Variants in ERBIN observed in about 807,000 individuals in gnomAD.
ERBIN encodes densin-180-like protein.
Under a neutral mutation model 158.4 loss-of-function variants are expected in ERBIN, and 60 were observed. The observed-to-expected ratio is 0.38, with a 90% confidence interval of 0.31 to 0.47. The LOEUF (loss-of-function observed/expected upper bound fraction) is 0.47. ERBIN is among the 20% of genes least tolerant of loss of function. ERBIN has a pLI of 0.99. For missense variants in ERBIN, 1,610 were observed against 1,648.0 expected, an observed-to-expected ratio of 0.98 and a Z score of 0.40; for synonymous variants, 594 against 557.2, an observed-to-expected ratio of 1.07 and a Z score of -0.93.
chr5:65,998,518 A>G (rs1045839552), intron 4 of ERBIN, among the ~76,000 whole-genome samples: 2 of 151,946 alleles, frequency 1.3e-5, no homozygotes, highest in African/African-American at 4.8e-5. Flanking sequence ...CTTTAGAGCT[A>G]TTTATATTTT....
intron 21 of ERBIN, chr5:66,068,844 A>C (rs578008663): frequency 6.7e-7 from 1 of 1,499,396 alleles, no homozygotes; most frequent in South Asian, 1.3e-5. Flanking sequence ...ATGCTACACT[A>C]ATCTCTGTTA....
intron 1 of ERBIN, among the ~76,000 whole-genome samples, chr5:65,940,405 G>A (rs1395884355): frequency 6.9e-6 from 1 of 145,240 alleles, no homozygotes; most frequent in Non-Finnish European, 1.5e-5. Context: ...CACCTCGTCC[G>A]GGAGGGAGGT....
Position 66,054,934 on chromosome 5 carries a change from G to C in ERBIN, c.3616G>C (p.Ala1206Pro). The C allele has an allele frequency of 1.3e-6, 2 of 1,573,312 alleles. No homozygotes were observed. The highest frequency in any genetic ancestry group is 1.7e-6 in the Non-Finnish European group (2 of 1,160,258). Residue 1206 changes from alanine to proline, a missense_variant, in exon 21 of 26, where the codon GCC (alanine) becomes CCC (proline). By Grantham distance (27) the Ala-to-Pro change is conservative. Around this residue, in one of 2 missense-constraint regions of ERBIN, gnomAD observed 1,014 missense variants for 936.1 expected, o/e 1.08. Transcript: ENST00000284037. ...AGAACAAGTACTTCGACATATTGAA[G>C]CCAAAAAGTTAGAAAAGGTAATTGA... ...WREQVLRHIEAKKLEKKHPQT... is the reference protein window; with the variant it reads ...WREQVLRHIEPKKLEKKHPQT...
intron 1 of ERBIN, among the ~76,000 whole-genome samples, chr5:65,971,215 A>G (rs988406983): frequency 6.7e-6 from 1 of 149,996 alleles, no homozygotes; most frequent in Non-Finnish European, 1.5e-5. Flanking sequence ...GACTGTGACA[A>G]TTGCAGATTT....
chr5:66,057,010 T>C (rs529316354), intron 21 of ERBIN, among the ~76,000 whole-genome samples: 9 of 152,338 alleles, frequency 5.9e-5, no homozygotes, highest in South Asian at 2.1e-4. Context: ...AGTATTCACA[T>C]GTGAGACTGC....
intron 10 of ERBIN, 101 bp downstream of exon 10, chr5:66,024,551 A>AC (rs1756036275): frequency 8.8e-7 from 1 of 1,136,248 alleles, no homozygotes; most frequent in Admixed American, 2.8e-5. Flanking sequence ...ATACTTCGTT[A>AC]CCACAGGAAC....
chr5:66,004,392 G>GCA (rs1366959469), intron 4 of ERBIN, among the ~76,000 whole-genome samples: 4 of 151,898 alleles, frequency 2.6e-5, no homozygotes, highest in African/African-American at 9.7e-5. Context: ...GTGTGTGTGC[G>GCA]CGCGCGTGCG....
intron 21 of ERBIN, among the ~76,000 whole-genome samples, chr5:66,062,064 G>A (rs1760446483): frequency 1.3e-5 from 2 of 152,150 alleles, no homozygotes; most frequent in South Asian, 4.1e-4. Context: ...GGCGTTCTCT[G>A]TATTTCCTGA....
At chr5:65,941,179 T>C (rs563801905) in intron 1 of ERBIN, among the ~76,000 whole-genome samples, 26 of 152,186 alleles carry the variant, frequency 1.7e-4, no homozygotes, top group African/African-American at 5.5e-4. Context: ...ACAAACACTG[T>C]GGAAGGCCGC....
chr5:66,073,870 C>G (rs1761740257), intron 22 of ERBIN, among the ~76,000 whole-genome samples: 2 of 151,758 alleles, frequency 1.3e-5, no homozygotes, highest in South Asian at 4.1e-4. Flanking sequence ...TGTAATATGA[C>G]TGTAACCTCT....
chr5:66,068,921 C>G, intron 21 of ERBIN: 1 of 1,535,766 alleles, frequency 6.5e-7, no homozygotes, highest in African/African-American at 1.4e-5. Flanking sequence ...CTACTGTAAG[C>G]AGTTTTCACT....
intron 20 of ERBIN, among the ~76,000 whole-genome samples, chr5:66,053,150 TTGAG>T (rs1759208569): frequency 6.6e-6 from 1 of 152,172 alleles, no homozygotes; most frequent in Admixed American, 6.5e-5. Context: ...ACAAATCAGA[TTGAG>T]TGTATTGATG....
chr5:66,045,747 T>TA (rs1255363141), intron 17 of ERBIN, among the ~76,000 whole-genome samples: 4 of 152,154 alleles, frequency 2.6e-5, no homozygotes, highest in African/African-American at 7.2e-5. Context: ...GCATAGCCTT[T>TA]AAAAAAATCA....
At chr5:66,001,685 GT>G (rs1360612499) in intron 4 of ERBIN, among the ~76,000 whole-genome samples, 1 of 152,052 alleles carries the variant, frequency 6.6e-6, no homozygotes, top group African/African-American at 2.4e-5. Context: ...AAGAAATTCA[GT>G]TTTTTCTTTT....
intron 4 of ERBIN, among the ~76,000 whole-genome samples, chr5:65,997,224 ATGATG>A (rs1349041160): frequency 6.6e-6 from 1 of 152,200 alleles, no homozygotes; most frequent in Non-Finnish European, 1.5e-5. Context: ...ATTGTTAAGT[ATGATG>A]TGAGCTGTGG....
chr5:66,050,645 G>T, intron 19 of ERBIN, 138 bp from the exon 20 acceptor site: 1 of 479,200 alleles, frequency 2.1e-6, no homozygotes, highest in South Asian at 4.6e-5. Context: ...AATTTTCAGG[G>T]GTGCTTCCAA....
intron 21 of ERBIN, 23 bp downstream of exon 21, chr5:66,054,974 T>G (rs779368391): frequency 6.6e-7 from 1 of 1,520,126 alleles, no homozygotes. Context: ...GAGTTTTTCA[T>G]TATTTTCTTT....
rs118126408 is a variant in ERBIN, at chr5:65,956,217, T to G, written c.-58+29411T>G. Among the ~76,000 whole-genome samples, 161 of 152,216 alleles carry G rather than the reference T, an allele frequency of 1.1e-3. 1 individual carries two copies. In the East Asian group the frequency reaches 0.028, roughly 27 times the overall value. On this transcript the variant is annotated intron_variant, in intron 1 of 25. Transcript: ENST00000284037. ...ACTGCATTATTGAATCTGGTGGTAG[T>G]TGGGGATTAGAAACTGAAGGCCCTT...
At chr5:65,955,243 G>A (rs992912284) in intron 1 of ERBIN, among the ~76,000 whole-genome samples, 1 of 152,170 alleles carries the variant, frequency 6.6e-6, no homozygotes, top group East Asian at 1.9e-4. Flanking sequence ...GAATTTTTGT[G>A]TCTACAAAGT....
Sources: gnomAD v4.1 joint callset for allele counts (sites outside exome capture counted in the v4.1 genomes callset) on GRCh38, gnomAD v4.1.1 for gene constraint, gnomAD v4.1.1 regional missense constraint, MANE v1.5 for transcripts, NCBI Gene and HGNC (gene_info 2026-07-23, HGNC 2026-07-21) for gene names.